The following ACSBG1 variants were observed in gnomAD, a reference collection of about 807,000 sequenced individuals.
ACSBG1 encodes the protein acyl-CoA synthetase bubblegum family member 1, also known as long-chain-fatty-acid--CoA ligase ACSBG1.
A neutral mutation model predicts 80.2 loss-of-function variants in ACSBG1; 39 were observed. The ratio of observed to expected loss-of-function variants is 0.49; its 90% CI spans 0.38 to 0.64. The LOEUF is 0.64. Ranked by LOEUF, ACSBG1 falls within the 30% of genes least tolerant of loss-of-function variation. The probability of loss-of-function intolerance (pLI) is 0.00; values close to 1 mark genes in which losing one functional copy is unlikely to be tolerated. For synonymous variants in ACSBG1, 392 were observed against 379.5 expected, an observed-to-expected ratio of 1.03 and a Z score of -0.38; for missense variants, 828 against 966.4, an observed-to-expected ratio of 0.86 and a Z score of 1.90.
chr15:78,183,230 G>T lies in ACSBG1; in HGVS notation c.664-445C>A, dbSNP rs185885619. ...TATGCGCATAGTATGCTATATTTGT[G>T]TAAGAAAGGGGTGCAATGTAAATAT... On this transcript the variant is annotated intron_variant, in intron 5 of 13. Transcript: ENST00000258873. Among the ~76,000 whole-genome samples the T allele has an allele frequency of 5.3e-5, 8 of 152,352 alleles. 1 individual carries two copies. In the Middle Eastern group the frequency reaches 0.02, roughly 389 times the overall value.
In ACSBG1 at chr15:78,224,563, C is replaced by CA. The variant is rs545888284; in HGVS notation, c.131+9807dup. On this transcript the variant is annotated intron_variant, in intron 1 of 13. Transcript: ENST00000258873. ...TGAAACCCTGTCTCTACTAAAAATA[C>CA]AAAAAAAATTAGCCAGGCGTGGTGG... Among the ~76,000 whole-genome samples, 490 of 151,544 alleles carry CA rather than the reference C, an allele frequency of 3.2e-3. 2 individuals are homozygous for CA. Among genetic ancestry groups the CA allele is most frequent in the African/African-American group, 0.011 (442 of 41,338 alleles).
intron 5 of ACSBG1, among the ~76,000 whole-genome samples, chr15:78,184,743 G>A (rs867166875): frequency 6.6e-5 from 10 of 152,166 alleles, no homozygotes; most frequent in African/African-American, 1.9e-4. Flanking sequence ...AACATCCATC[G>A]TTGCACTGTA....
Position 78,183,222 on chromosome 15 carries a change from A to G in ACSBG1, c.664-437T>C, listed in dbSNP as rs375073305. Among the ~76,000 whole-genome samples the G allele has an allele frequency of 9.2e-5, 14 of 152,386 alleles. 1 individual carries two copies. The highest frequency in any genetic ancestry group is 3.4e-4 in the African/African-American group (14 of 41,598). On this transcript the variant is annotated intron_variant, in intron 5 of 13. Coordinates refer to ENST00000258873, the MANE Select transcript of ACSBG1 (RefSeq NM_015162.5). ...GTTTACAATATGCGCATAGTATGCT[A>G]TATTTGTGTAAGAAAGGGGTGCAAT...
At chr15:78,222,287 G>T (rs2075365305) in intron 1 of ACSBG1, among the ~76,000 whole-genome samples, 1 of 152,180 alleles carries the variant, frequency 6.6e-6, no homozygotes, top group Non-Finnish European at 1.5e-5. Flanking sequence ...TGGTTTCTTA[G>T]GGCTAGGGGG....
At chr15:78,195,343 C>T (rs2075103866) in intron 2 of ACSBG1, among the ~76,000 whole-genome samples, 1 of 152,184 alleles carries the variant, frequency 6.6e-6, no homozygotes, top group Admixed American at 6.5e-5. Flanking sequence ...AGCTGCAGCT[C>T]AGAGAGGTTC....
At chr15:78,221,074 C>T (rs1415738361) in intron 1 of ACSBG1, among the ~76,000 whole-genome samples, 2 of 152,228 alleles carry the variant, frequency 1.3e-5, no homozygotes, top group Non-Finnish European at 2.9e-5. Flanking sequence ...TGCCCCTCCA[C>T]ACCTCTGGGT....
intron 12 of ACSBG1, 33 bp from the exon 13 acceptor site, chr15:78,173,872 C>T: frequency 2.5e-6 from 4 of 1,603,590 alleles, no homozygotes; most frequent in Middle Eastern, 1.7e-4. Context: ...AGGACCAAGC[C>T]TTACCCAACA....
At chr15:78,221,696 A>G (rs1365388604) in intron 1 of ACSBG1, among the ~76,000 whole-genome samples, 2 of 151,992 alleles carry the variant, frequency 1.3e-5, no homozygotes, top group African/African-American at 4.8e-5. Context: ...GTGGGGGGAA[A>G]CTTTGGACAA....
rs911223697 is a variant in ACSBG1, at chr15:78,221,525, G to A, written c.131+12846C>T. Among the ~76,000 whole-genome samples, 10 of 152,214 alleles carry A rather than the reference G, an allele frequency of 6.6e-5. No homozygotes were observed. The East Asian group carries it at 1.7e-3, about 26-fold the overall frequency. On this transcript the variant is annotated intron_variant, in intron 1 of 13. Coordinates refer to ENST00000258873, the MANE Select transcript of ACSBG1 (RefSeq NM_015162.5). ...ACAGAACGAATAGTTAGCTTTACAC[G>A]AGACATTCCATTCCCAGGGACATAC...
chr15:78,178,386 C>T lies in ACSBG1; in HGVS notation c.1702+228G>A, dbSNP rs2074904293. Among the ~76,000 whole-genome samples the T allele has an allele frequency of 6.6e-6, 1 of 152,154 alleles. No individual in the cohort carries two copies. The highest frequency in any genetic ancestry group is 2.1e-4 in the South Asian group (1 of 4,830). ...CAATCTCAGCTCACTGCAACCTCTGCCTCCCGGGTTCAAGTAATTCTCGTG... is the reference window on the plus strand; with the variant it reads ...CAATCTCAGCTCACTGCAACCTCTGTCTCCCGGGTTCAAGTAATTCTCGTG... On this transcript the variant is annotated intron_variant, in intron 11 of 13. Transcript: ENST00000258873. This position sits in a 1 kb window ranked among gnomAD's most constrained non-coding sequence, Gnocchi z 4.3.
chr15:78,179,918 A>C, intron 9 of ACSBG1, 138 bp from the exon 10 acceptor site: 1 of 724,530 alleles, frequency 1.4e-6, no homozygotes. Flanking sequence ...TGTCTGTTCC[A>C]GTTGGTTGGT....
chr15:78,171,180 G>C lies in ACSBG1; in HGVS notation c.*264C>G. The C allele has an allele frequency of 9.7e-6, 3 of 308,730 alleles. No individual in the cohort carries two copies. Among genetic ancestry groups the C allele is most frequent in the Non-Finnish European group, 1.8e-5 (3 of 164,068 alleles). 19.1% of individuals were successfully genotyped at this position (308,730 alleles called of 1,614,324 possible). A position where few individuals can be genotyped will look rare whatever the true frequency, so the allele number is the denominator to read the frequency against. ...CAAAAATTATCAGCCCTTTCGTTCT[G>C]GAAGGAGAGCTGATCTCATTTGTCA... On this transcript the variant is annotated 3_prime_UTR_variant, in exon 14 of 14. Coordinates refer to ENST00000258873, the MANE Select transcript of ACSBG1 (RefSeq NM_015162.5).
At chr15:78,209,072 G>C in intron 1 of ACSBG1, 1 of 435,096 alleles carries the variant, frequency 2.3e-6, no homozygotes, top group Admixed American at 2.5e-5. Flanking sequence ...CCTGGCTCCA[G>C]GGAGCCCTGT....
chr15:78,193,696 A>G, intron 4 of ACSBG1, 70 bp from the exon 5 acceptor site: 1 of 1,343,466 alleles, frequency 7.4e-7, no homozygotes, highest in Non-Finnish European at 9.8e-7. Context: ...CCACCCCCAC[A>G]TCTGTAGCCC....
chr15:78,231,437 T>C (rs2075446506), intron 1 of ACSBG1, among the ~76,000 whole-genome samples: 1 of 151,936 alleles, frequency 6.6e-6, no homozygotes. Context: ...AGCTTTTTTG[T>C]ATTTTTTTAA....
In ACSBG1 at chr15:78,194,667, A is replaced by G; in HGVS notation, c.292T>C (p.Cys98Arg). The change falls in exon 3 of 14, where the codon TGC becomes CGC. Residue 98 changes from cysteine to arginine, a missense_variant. Transcript: ENST00000258873. ...TGCACAGTGTAGGGAAGCTGTGGGC[A>G]GCTGGGGTCTATGCGCAGGCGCACC... Reference protein sequence around the residue: ...GRVRLRIDPSCPQLPYTVHRM... With the variant: ...GRVRLRIDPSRPQLPYTVHRM... 1.2e-6 allele frequency: 2 copies of G among 1,614,028 alleles called. No homozygotes were observed. The highest frequency in any genetic ancestry group is 1.1e-5 in the South Asian group (1 of 91,084).
Position 78,194,487 on chromosome 15 carries a change from C to A in ACSBG1, c.453+19G>T, listed in dbSNP as rs1227981708. 1 of 1,612,848 alleles carries A rather than the reference C, an allele frequency of 6.2e-7. No homozygotes were observed. The highest frequency in any genetic ancestry group is 2.2e-5 in the East Asian group (1 of 44,854). ...ACATCTGGGGAGGGGCAAGGCCTTG[C>A]CATGAGGGGCCCCCTTACCTTCAGG... On this transcript the variant is annotated intron_variant, in intron 3 of 13. Transcript: ENST00000258873.
intron 2 of ACSBG1, among the ~76,000 whole-genome samples, chr15:78,201,312 G>T (rs914203963): frequency 5.3e-5 from 8 of 152,218 alleles, no homozygotes; most frequent in Non-Finnish European, 8.8e-5. Flanking sequence ...CAGTGACTGT[G>T]TGTCTAGAGG....
At chr15:78,182,444 C>A in intron 7 of ACSBG1, 22 bp downstream of exon 7, 8 of 1,611,964 alleles carry the variant, frequency 5.0e-6, no homozygotes, top group Non-Finnish European at 6.8e-6. Context: ...ACCCCCCCCA[C>A]CCCACCGGGC....
Sources: allele counts gnomAD v4.1 joint callset (sites outside exome capture counted in the v4.1 genomes callset), GRCh38; gene constraint gnomAD v4.1.1; non-coding constraint Gnocchi (gnomAD v3.1); transcripts MANE v1.5; gene names NCBI Gene and HGNC (gene_info 2026-07-23, HGNC 2026-07-21).